Variants in RNF19B observed in about 807,000 individuals in gnomAD.
The protein encoded by RNF19B is E3 ubiquitin-protein ligase RNF19B.
In RNF19B, 23 loss-of-function variants were observed where a neutral mutation model predicts 65.5. The ratio of observed to expected loss-of-function variants is 0.35; its 90% CI spans 0.25 to 0.50. RNF19B has a LOEUF of 0.50. Among genes scored for constraint, RNF19B ranks in the 20% least tolerant of loss-of-function variants. The pLI, the probability that RNF19B is intolerant of heterozygous loss-of-function variation, is 0.98. For missense variants in RNF19B, 794 were observed against 980.0 expected (o/e 0.81, Z 2.53); for synonymous variants, 372 against 379.6 (o/e 0.98, Z 0.23).
chr1:32,944,789 C>T (rs1642325821), intron 5 of RNF19B, among the ~76,000 whole-genome samples: 1 of 151,846 alleles, frequency 6.6e-6, no homozygotes, highest in South Asian at 2.1e-4. Flanking sequence ...CCCAGGTTCA[C>T]GCCATTCTCC....
intron 1 of RNF19B, among the ~76,000 whole-genome samples, chr1:32,955,366 C>T (rs1339524669): frequency 6.6e-6 from 1 of 151,940 alleles, no homozygotes; most frequent in Non-Finnish European, 1.5e-5. Context: ...CCTAAAATTT[C>T]ATATAAACCC....
intron 1 of RNF19B, among the ~76,000 whole-genome samples, chr1:32,962,031 G>GA (rs1204775084): frequency 6.6e-6 from 1 of 151,466 alleles, no homozygotes; most frequent in Non-Finnish European, 1.5e-5. Flanking sequence ...GGAGTATAGT[G>GA]GCCTGATCTC....
chr1:32,962,312 G>A (rs1401741304), intron 1 of RNF19B, among the ~76,000 whole-genome samples: 1 of 152,078 alleles, frequency 6.6e-6, no homozygotes, highest in Non-Finnish European at 1.5e-5. Context: ...CAGATCAACA[G>A]TATCTGTAAA....
rs199599863 is a variant in RNF19B, at chr1:32,942,296, C to T, written c.1566G>A (p.Thr522=). 4.3e-5 allele frequency: 69 copies of T among 1,613,452 alleles called. 1 individual carries two copies. In the South Asian group the frequency reaches 6.6e-4, roughly 15 times the overall value. ...CACTGGAGAGAATGCCGCCACTCAG[C>T]GTGCCCCCTGAGAGGGCTGCAAAGC... The part of the protein sequence containing the change: ...TASFAALSGG[T]LSGGILSSGK... Residue 522 remains threonine, a synonymous_variant, in exon 7 of 9, where the codon ACG becomes ACA. Coordinates refer to ENST00000235150, the MANE Select transcript of RNF19B (RefSeq NM_001300826.2).
At chr1:32,942,206 T>C in intron 7 of RNF19B, 46 bp downstream of exon 7, 1 of 1,494,204 alleles carries the variant, frequency 6.7e-7, no homozygotes, top group East Asian at 2.3e-5. Flanking sequence ...ATGTGTTACT[T>C]CTTATAATTC....
At chr1:32,946,146 A>G (rs913980404) in intron 4 of RNF19B, among the ~76,000 whole-genome samples, 5 of 152,220 alleles carry the variant, frequency 3.3e-5, no homozygotes. Context: ...GCCACGTATT[A>G]CAAATGTGAA....
the RNF19B span, among the ~76,000 whole-genome samples, chr1:32,929,261 G>A: frequency 6.6e-6 from 1 of 152,160 alleles, no homozygotes; most frequent in Admixed American, 6.5e-5. Flanking sequence ...ATGTCTTTGT[G>A]TTCAGATTTC....
intron 1 of RNF19B, among the ~76,000 whole-genome samples, chr1:32,958,998 C>T (rs998543294): frequency 2.0e-5 from 3 of 151,974 alleles, no homozygotes; most frequent in African/African-American, 7.2e-5. Flanking sequence ...AGGTATGGAG[C>T]CAAATCAAGA....
In RNF19B at chr1:32,952,314, C is replaced by T. The variant is rs183926175; in HGVS notation, c.636-2540G>A. 1.5e-3 allele frequency among the ~76,000 whole-genome samples: 232 copies of T among 151,538 alleles called. 2 individuals carry two copies. Among genetic ancestry groups the T allele is most frequent in the African/African-American group, 5.3e-3 (218 of 41,274 alleles). ...ATACTTGTATAAAATAACATTTTAG[C>T]CAGGTGAGATGGCTCATGCCTGTAA... is the stretch of plus-strand genomic sequence containing the variant. On this transcript the variant is annotated intron_variant, in intron 1 of 8. Coordinates refer to ENST00000235150, the MANE Select transcript of RNF19B (RefSeq NM_001300826.2).
Position 32,936,688 on chromosome 1 carries a change from G to T in RNF19B, c.*118C>A. The T allele has an allele frequency of 1.0e-6, 1 of 1,002,826 alleles. No individual in the cohort carries two copies. Among genetic ancestry groups the T allele is most frequent in the Non-Finnish European group, 1.4e-6 (1 of 740,056 alleles). 62.1% of individuals were successfully genotyped at this position (1,002,826 alleles called of 1,614,324 possible). On this transcript the variant is annotated 3_prime_UTR_variant, in exon 9 of 9. Coordinates refer to ENST00000235150, the MANE Select transcript of RNF19B (RefSeq NM_001300826.2). ...AGAATTTCCCTGGGCAAAAACCTGT[G>T]ACCAGAGAATCTGTGAAATAAAATA...
At chr1:32,935,283 A>G (rs1481988417), downstream of RNF19B, among the ~76,000 whole-genome samples, 3 of 151,624 alleles carry the variant, frequency 2.0e-5, no homozygotes, top group African/African-American at 4.8e-5. Context: ...AATTACAGAC[A>G]CATGCCACCA....
intron 8 of RNF19B, 47 bp downstream of exon 8, chr1:32,938,350 C>G: frequency 6.2e-7 from 1 of 1,612,094 alleles, no homozygotes; most frequent in South Asian, 1.1e-5. Context: ...GACCTAGTAC[C>G]CAACGAAAAA....
chr1:32,945,425 T>C (rs1642344311), intron 5 of RNF19B, 89 bp downstream of exon 5: 5 of 777,538 alleles, frequency 6.4e-6, no homozygotes, highest in African/African-American at 1.7e-5. Context: ...GCATAAAATG[T>C]AGGAGTCTTT....
intron 1 of RNF19B, among the ~76,000 whole-genome samples, chr1:32,951,824 G>A (rs1293788706): frequency 6.6e-6 from 1 of 150,706 alleles, no homozygotes. Context: ...TTGAGACAGA[G>A]TCTCACTATA....
Position 32,963,712 on chromosome 1 carries a change from C to T in RNF19B, c.635+339G>A, listed in dbSNP as rs546269134. Among the ~76,000 whole-genome samples, 21 of 148,706 alleles carry T rather than the reference C, an allele frequency of 1.4e-4. No individual in the cohort carries two copies. In the East Asian group the frequency reaches 3.5e-3, roughly 25 times the overall value. Reference sequence around the variant, plus strand: ...CAGCCTGGGCGGCAGGGCGAGACTCCGTCTCCAAAAAAAAAAAGAAAAAAA... The same window carrying T: ...CAGCCTGGGCGGCAGGGCGAGACTCTGTCTCCAAAAAAAAAAAGAAAAAAA... On this transcript the variant is annotated intron_variant, in intron 1 of 8. Transcript: ENST00000235150.
chr1:32,956,542 C>G (rs1043139236), intron 1 of RNF19B, among the ~76,000 whole-genome samples: 1 of 151,876 alleles, frequency 6.6e-6, no homozygotes, highest in Non-Finnish European at 1.5e-5. Context: ...CACTCCAGCA[C>G]GGGCAACAGA....
At chr1:32,936,130 A>G (rs1642093813), downstream of RNF19B, among the ~76,000 whole-genome samples, 1 of 152,200 alleles carries the variant, frequency 6.6e-6, no homozygotes, top group African/African-American at 2.4e-5. Context: ...ACTATAATGC[A>G]GAAAAGGGCA....
chr1:32,957,335 C>G (rs1179800694), intron 1 of RNF19B, among the ~76,000 whole-genome samples: 1 of 152,200 alleles, frequency 6.6e-6, no homozygotes, highest in Non-Finnish European at 1.5e-5. Flanking sequence ...AACCATCATG[C>G]AAATTCTATT....
rs113843308 is a variant in RNF19B at position 32,943,753 on chromosome 1, T to C, written c.1402+266A>G. ...ATCAAGTACTGTGCAGATATAAAGATGTTATTATAATCACTACTACTACCA... is the reference window on the plus strand; with the variant it reads ...ATCAAGTACTGTGCAGATATAAAGACGTTATTATAATCACTACTACTACCA... On this transcript the variant is annotated intron_variant, in intron 6 of 8. Transcript: ENST00000235150. 1.7e-3 allele frequency among the ~76,000 whole-genome samples: 260 copies of C among 152,318 alleles called. 2 individuals are homozygous for C. The highest frequency in any genetic ancestry group is 5.7e-3 in the African/African-American group (239 of 41,582).
Sources: gnomAD v4.1 joint callset for allele counts (sites outside exome capture counted in the v4.1 genomes callset) on GRCh38, gnomAD v4.1.1 for gene constraint, MANE v1.5 for transcripts, NCBI Gene and HGNC (gene_info 2026-07-23, HGNC 2026-07-21) for gene names.